Variants in PCLO observed in about 807,000 individuals in gnomAD.
PCLO encodes protein piccolo.
PCLO carries 82 observed loss-of-function variants against 427.5 expected under a neutral mutation model. That is an observed-to-expected ratio of 0.19 (90% CI 0.16 to 0.23). The LOEUF is 0.23. PCLO is among the 10% of genes least tolerant of loss of function. PCLO has a pLI of 1.00. For synonymous variants in PCLO, 2,357 were observed against 2,155.4 expected, an observed-to-expected ratio of 1.09 and a Z score of -2.59; for missense variants, 6,239 against 6,115.9, an observed-to-expected ratio of 1.02 and a Z score of -0.67.
At chr7:82,903,694 GT>G (rs377727707) in intron 8 of PCLO, among the ~76,000 whole-genome samples, 14 of 151,932 alleles carry the variant, frequency 9.2e-5, no homozygotes, top group African/African-American at 3.4e-4. Context: ...TGTATGTATT[GT>G]CATAGGAAAA....
chr7:83,099,047 A>C (rs1244271097), intron 3 of PCLO, among the ~76,000 whole-genome samples: 1 of 151,978 alleles, frequency 6.6e-6, no homozygotes, highest in African/African-American at 2.4e-5. Context: ...TAGGCTGGCA[A>C]ATTTGATAAC....
chr7:82,905,770 T>C (rs1794174408), intron 8 of PCLO, among the ~76,000 whole-genome samples: 1 of 151,954 alleles, frequency 6.6e-6, no homozygotes, highest in Admixed American at 6.6e-5. Context: ...GGGAGCTTAA[T>C]GTACCTCAAT....
At chr7:82,770,995 C>G (rs1301870528) in intron 22 of PCLO, among the ~76,000 whole-genome samples, 1 of 151,848 alleles carries the variant, frequency 6.6e-6, no homozygotes, top group Non-Finnish European at 1.5e-5. Context: ...TGTAGGACAA[C>G]ATAGAAGGAA....
intron 10 of PCLO, among the ~76,000 whole-genome samples, chr7:82,867,120 C>T (rs1350477472): frequency 2.0e-5 from 3 of 152,106 alleles, no homozygotes; most frequent in South Asian, 2.1e-4. Flanking sequence ...GAGTTTTGGT[C>T]CAGGTGCAGC....
chr7:82,951,774 A>C (rs1176987236), intron 5 of PCLO, 82 bp downstream of exon 5: 14 of 1,502,526 alleles, frequency 9.3e-6, no homozygotes, highest in Admixed American at 6.9e-5. Flanking sequence ...ACTGGAAAAG[A>C]AGCCACATTT....
chr7:82,926,857 T>C (rs1367307310), intron 6 of PCLO, among the ~76,000 whole-genome samples: 2 of 151,874 alleles, frequency 1.3e-5, no homozygotes, highest in East Asian at 1.9e-4. Context: ...CATTTTTTGA[T>C]ATGTGAATGT....
intron 3 of PCLO, among the ~76,000 whole-genome samples, chr7:82,975,931 A>G (rs568159165): frequency 2.7e-4 from 41 of 152,250 alleles, no homozygotes; most frequent in Non-Finnish European, 5.3e-4. Context: ...AAGTTTCCTG[A>G]GGCATTCCCA....
chr7:83,069,110 G>A (rs1391983076), intron 3 of PCLO, among the ~76,000 whole-genome samples: 1 of 152,156 alleles, frequency 6.6e-6, no homozygotes. Flanking sequence ...TCAATCGTAA[G>A]AGAAACAAGT....
At chr7:83,017,668 T>A (rs1788241933) in intron 3 of PCLO, among the ~76,000 whole-genome samples, 1 of 152,026 alleles carries the variant, frequency 6.6e-6, no homozygotes, top group Admixed American at 6.6e-5. Context: ...ATCATGTTAC[T>A]CTTTTGCATC....
chr7:83,130,130 TTTGTTG>T lies in PCLO; in HGVS notation c.3300+4114_3300+4119del, dbSNP rs57722657. Reference sequence around the variant, plus strand: ...AATTAATGTAGATGTCCATTATGTTTTTGTTGTTGTTGTTGTTGTTGTTGTTGTTGT... The same window carrying T: ...AATTAATGTAGATGTCCATTATGTTTTTGTTGTTGTTGTTGTTGTTGTTGT... On this transcript the variant is annotated intron_variant, in intron 3 of 24. Coordinates refer to ENST00000333891, the MANE Select transcript of PCLO (RefSeq NM_033026.6). 6.1e-3 allele frequency among the ~76,000 whole-genome samples: 925 copies of T among 151,316 alleles called. 6 individuals carry two copies. The highest frequency in any genetic ancestry group is 0.01 in the Middle Eastern group (3 of 294).
chr7:82,921,503 CT>C (rs1794594270), intron 6 of PCLO, among the ~76,000 whole-genome samples: 1 of 151,972 alleles, frequency 6.6e-6, no homozygotes, highest in Non-Finnish European at 1.5e-5. Context: ...GAAGTGACTC[CT>C]TATTCAACAA....
At chr7:82,828,033 TA>T (rs1430445739) in intron 16 of PCLO, 67 bp from the exon 17 acceptor site, 4 of 817,786 alleles carry the variant, frequency 4.9e-6, no homozygotes. Flanking sequence ...ACAGTTAAAC[TA>T]AAGGACATGC....
At chr7:82,986,010 C>T (rs192797530) in intron 3 of PCLO, among the ~76,000 whole-genome samples, 21 of 151,918 alleles carry the variant, frequency 1.4e-4, no homozygotes, top group Non-Finnish European at 2.5e-4. Context: ...TTTCTTATTT[C>T]TCACAGAGCT....
chr7:82,898,527 T>G (rs1375971763), intron 9 of PCLO, among the ~76,000 whole-genome samples: 3 of 151,568 alleles, frequency 2.0e-5, no homozygotes, highest in East Asian at 3.9e-4. Context: ...CATAGTAGTT[T>G]TACTATCAAT....
chr7:82,898,787 A>G (rs1793967446), intron 9 of PCLO, among the ~76,000 whole-genome samples: 1 of 151,492 alleles, frequency 6.6e-6, no homozygotes, highest in African/African-American at 2.4e-5. Flanking sequence ...ATATATGGAA[A>G]TGTAATATAA....
At chr7:82,920,357 G>A (rs907016833) in intron 6 of PCLO, among the ~76,000 whole-genome samples, 9 of 151,762 alleles carry the variant, frequency 5.9e-5, no homozygotes, top group Admixed American at 6.6e-5. Context: ...ATGGTTTTCT[G>A]TGTTGACCAG....
At chr7:82,943,955 C>T (rs1005293927) in intron 6 of PCLO, among the ~76,000 whole-genome samples, 5 of 151,288 alleles carry the variant, frequency 3.3e-5, no homozygotes, top group African/African-American at 9.7e-5. Flanking sequence ...GTCAGGAGTC[C>T]GTGACCAGCC....
At chr7:83,089,137 TTACA>T (rs61259933) in intron 3 of PCLO, among the ~76,000 whole-genome samples, 32,042 of 151,670 alleles carry the variant, frequency 0.21, 4,481 homozygotes, top group African/African-American at 0.4. Flanking sequence ...GTATGTATGT[TTACA>T]TACATACATA....
intron 3 of PCLO, among the ~76,000 whole-genome samples, chr7:83,046,790 T>C (rs1789114343): frequency 6.6e-6 from 1 of 151,996 alleles, no homozygotes; most frequent in South Asian, 2.1e-4. Flanking sequence ...AAAATCAATT[T>C]TTTTAAAAAA....
Sources: allele counts gnomAD v4.1 joint callset (sites outside exome capture counted in the v4.1 genomes callset), GRCh38; gene constraint gnomAD v4.1.1; transcripts MANE v1.5; gene names NCBI Gene and HGNC (gene_info 2026-07-23, HGNC 2026-07-21).